Variants in HSPA9 observed in about 807,000 individuals in gnomAD.
HSPA9 encodes the protein heat shock protein family A (Hsp70) member 9.
Under a neutral mutation model 81.5 loss-of-function variants are expected in HSPA9, and 28 were observed. The observed-to-expected ratio is 0.34, with a 90% CI of 0.25 to 0.47. The LOEUF is 0.47. Ranked by LOEUF, HSPA9 falls within the 20% of genes least tolerant of loss-of-function variation. The pLI, the probability that HSPA9 is intolerant of heterozygous loss-of-function variation, is 1.00. For synonymous variants in HSPA9, 293 were observed against 290.4 expected (o/e 1.01, Z -0.09); for missense variants, 678 against 838.0 (o/e 0.81, Z 2.36).
chr5:138,565,496 G>A (rs941865673), intron 9 of HSPA9, among the ~76,000 whole-genome samples: 3 of 152,088 alleles, frequency 2.0e-5, no homozygotes, highest in Non-Finnish European at 2.9e-5. Context: ...TGCTTTTCCT[G>A]CTGTCACCCA....
intron 11 of HSPA9, chr5:138,558,911 GA>G: frequency 2.4e-6 from 1 of 422,402 alleles, no homozygotes; most frequent in South Asian, 2.3e-5. Flanking sequence ...TCCTCAAAAG[GA>G]ACTAAAATGT....
At chr5:138,573,879 C>G in intron 2 of HSPA9, 29 bp from the exon 3 acceptor site, 1 of 1,548,652 alleles carries the variant, frequency 6.5e-7, no homozygotes, top group Non-Finnish European at 8.9e-7. Flanking sequence ...AGTGTCACAG[C>G]TATTGTTATC....
intron 14 of HSPA9, chr5:138,557,136 T>C (rs1580740612): frequency 3.3e-6 from 2 of 599,524 alleles, no homozygotes; most frequent in Admixed American, 2.9e-5. Flanking sequence ...GAAGAATAGA[T>C]TATCTTAGGT....
rs765294292 is a variant in HSPA9 at position 138,556,008 on chromosome 5, T to C, written c.*29A>G. The C allele has an allele frequency of 4.6e-6, 7 of 1,523,142 alleles. No homozygotes were observed. Among genetic ancestry groups the C allele is most frequent in the Non-Finnish European group, 6.4e-6 (7 of 1,097,590 alleles). The allele number at this position is 1,523,142 out of a possible 1,614,324, so 94.4% of individuals were successfully genotyped here. A position where few individuals can be genotyped will look rare whatever the true frequency, so the allele number is the denominator to read the frequency against. ...CTTCACTCCTAAGCTTCATATGTTG[T>C]CCTTCTGGCTTCAAAATTTCTGCTA... On this transcript the variant is annotated 3_prime_UTR_variant, in exon 17 of 17. Coordinates refer to ENST00000297185, the MANE Select transcript of HSPA9 (RefSeq NM_004134.7).
In HSPA9 at chr5:138,559,907, T is replaced by A; in HGVS notation, c.1367A>T (p.Lys456Ile). 6.2e-7 allele frequency: 1 copy of A among 1,614,058 alleles called. No individual in the cohort carries two copies. Among genetic ancestry groups the A allele is most frequent in the African/African-American group, 1.3e-5 (1 of 75,024 alleles). Reference protein sequence around the residue: ...GIETLGGVFTKLINRNTTIPT... With the variant: ...GIETLGGVFTILINRNTTIPT... ...AATAGTGGTATTCCTATTAATAAGT[T>A]TGGTAAAGACACCTCCTAGAGTTTC... Residue 456 changes from lysine (K) to isoleucine (I), a missense_variant, in exon 11 of 17, where the codon AAA (lysine) becomes ATA (isoleucine). Around this residue, in one of 4 missense-constraint regions of HSPA9, gnomAD observed 484 missense variants for 647.5 expected, o/e 0.75. Transcript: ENST00000297185.
Position 138,554,760 on chromosome 5 carries a change from A to G in HSPA9, c.*1277T>C, listed in dbSNP as rs1561855304. 6.6e-6 allele frequency: 1 copy of G among 152,252 alleles called. No homozygotes were observed. The highest frequency in any genetic ancestry group is 2.1e-4 in the South Asian group (1 of 4,836). 9.4% of individuals were successfully genotyped at this position (152,252 alleles called of 1,614,324 possible). A position where few individuals can be genotyped will look rare whatever the true frequency, so the allele number is the denominator to read the frequency against. On this transcript the variant is annotated 3_prime_UTR_variant, in exon 17 of 17. Transcript: ENST00000297185. ...GAAATGTGCTGGAAGACTTTTGGGA[A>G]ATCTTAACATTGAATAAAGATGTAG... is the stretch of plus-strand genomic sequence containing the variant.
At chr5:138,557,066 C>T (rs1750544442) in intron 14 of HSPA9, 200 bp from the exon 15 acceptor site, 1 of 625,570 alleles carries the variant, frequency 1.6e-6, no homozygotes, top group Non-Finnish European at 2.8e-6. Flanking sequence ...AGAATTGTGA[C>T]AGGGAAAACA....
chr5:138,568,238 T>C (rs1166777258), intron 5 of HSPA9, among the ~76,000 whole-genome samples: 1 of 151,322 alleles, frequency 6.6e-6, no homozygotes, highest in African/African-American at 2.4e-5. Flanking sequence ...GGCTCATGCC[T>C]GTAATCCCAG....
At chr5:138,559,591 C>T (rs918569910) in intron 11 of HSPA9, 12 of 416,480 alleles carry the variant, frequency 2.9e-5, no homozygotes, top group Non-Finnish European at 4.5e-5. Flanking sequence ...GACTGAGATC[C>T]CTTTTAGCAA....
chr5:138,571,220 G>T, intron 3 of HSPA9, 79 bp from the exon 4 acceptor site: 3 of 1,410,352 alleles, frequency 2.1e-6, no homozygotes, highest in Non-Finnish European at 3.0e-6. Flanking sequence ...TCACTCTGTC[G>T]CTAAGGCTGG....
rs751549410 is a variant in HSPA9 at position 138,561,787 on chromosome 5, A to G, written c.975T>C (p.Thr325=). The part of the protein sequence containing the change: ...AKCELSSSVQ[T]DINLPYLTMD... ...TTGTAAGATAGGGCAAATTGATGTC[A>G]GTCTGCAAAGGAAATGTTTAATTGC... Residue 325 remains threonine, a splice_region_variant and synonymous_variant, in exon 10 of 17, where the codon ACT becomes ACC. Transcript: ENST00000297185. The G allele has an allele frequency of 6.2e-7, 1 of 1,611,828 alleles. No homozygotes were observed. Among genetic ancestry groups the G allele is most frequent in the African/African-American group, 1.3e-5 (1 of 75,018 alleles).
intron 1 of HSPA9, 78 bp from the exon 2 acceptor site, chr5:138,574,204 G>T: frequency 1.0e-6 from 1 of 984,548 alleles, no homozygotes; most frequent in Non-Finnish European, 1.6e-6. Flanking sequence ...GGCTCACTTA[G>T]TATATAAAAT....
At chr5:138,558,718 A>G in intron 11 of HSPA9, 61 bp from the exon 12 acceptor site, 1 of 1,076,046 alleles carries the variant, frequency 9.3e-7, no homozygotes, top group Non-Finnish European at 1.4e-6. Context: ...TTTCTATAGA[A>G]AAAATGAAAG....
chr5:138,559,256 G>A (rs747373337), intron 11 of HSPA9, among the ~76,000 whole-genome samples: 1 of 151,930 alleles, frequency 6.6e-6, no homozygotes, highest in Non-Finnish European at 1.5e-5. Flanking sequence ...CAGGTACACA[G>A]CACCATGCCT....
At position 138,555,507 on chromosome 5, in the gene HSPA9, A is replaced by G. The variant is rs772714026; in HGVS notation, c.*530T>C. The G allele has an allele frequency of 3.5e-5, 6 of 171,846 alleles. No homozygotes were observed. The highest frequency in any genetic ancestry group is 7.6e-5 in the Non-Finnish European group (6 of 79,232). The allele number at this position is 171,846 out of a possible 1,614,324, so 10.6% of individuals were successfully genotyped here. A position where few individuals can be genotyped will look rare whatever the true frequency, so the allele number is the denominator to read the frequency against. On this transcript the variant is annotated 3_prime_UTR_variant, in exon 17 of 17. Transcript: ENST00000297185. ...CCTTGTTTTAATAGCTGTACCTAAT[A>G]TAAATAGCTAAGTTTCCCATTGTTC...
chr5:138,557,355 G>A (rs1479042635), intron 14 of HSPA9, 47 bp downstream of exon 14: 2 of 1,319,696 alleles, frequency 1.5e-6, no homozygotes, highest in Non-Finnish European at 2.2e-6. Context: ...CCACTGTCAA[G>A]ACTGAGCTTT....
chr5:138,574,177 G>A (rs769674868), intron 1 of HSPA9, 51 bp from the exon 2 acceptor site: 1 of 1,342,552 alleles, frequency 7.4e-7, no homozygotes, highest in South Asian at 1.2e-5. Context: ...ATCCTGGGAG[G>A]AAAAAGAGAA....
chr5:138,567,800 T>G, intron 5 of HSPA9, 78 bp from the exon 6 acceptor site: 1 of 1,034,632 alleles, frequency 9.7e-7, no homozygotes, highest in Non-Finnish European at 1.5e-6. Flanking sequence ...TGTGTCATCC[T>G]TTTGCAGCCA....
At chr5:138,568,393 T>C (rs1408520381) in intron 5 of HSPA9, among the ~76,000 whole-genome samples, 3 of 150,442 alleles carry the variant, frequency 2.0e-5, no homozygotes, top group Admixed American at 6.6e-5. Flanking sequence ...CCCAGCTACG[T>C]TGGGGGGGAG....
Sources: gnomAD v4.1 joint callset for allele counts (sites outside exome capture counted in the v4.1 genomes callset) on GRCh38, gnomAD v4.1.1 for gene constraint, gnomAD v4.1.1 regional missense constraint, MANE v1.5 for transcripts, NCBI Gene and HGNC (gene_info 2026-07-23, HGNC 2026-07-21) for gene names.